Variants in CRIM1 observed in about 807,000 individuals in gnomAD.
CRIM1 encodes the protein cysteine-rich motor neuron 1 protein.
A neutral mutation model predicts 116.4 loss-of-function variants in CRIM1; 32 were observed. The observed-to-expected ratio is 0.27, with a 90% CI of 0.21 to 0.37. The LOEUF is 0.37. CRIM1 is among the 10% of genes least tolerant of loss of function. The pLI, the probability that CRIM1 is intolerant of heterozygous loss-of-function variation, is 1.00. For missense variants in CRIM1, 1,331 were observed against 1,354.8 expected (o/e 0.98, Z 0.28); for synonymous variants, 590 against 509.2 (o/e 1.16, Z -2.13).
chr2:36,541,838 G>A (rs189690345), intron 14 of CRIM1, among the ~76,000 whole-genome samples: 448 of 152,296 alleles, frequency 2.9e-3, no homozygotes, highest in Non-Finnish European at 5.0e-3. Context: ...TACCAGAAGG[G>A]TTATATTTTA....
intron 1 of CRIM1, among the ~76,000 whole-genome samples, chr2:36,361,487 T>C (rs561769404): frequency 9.9e-5 from 15 of 152,160 alleles, no homozygotes; most frequent in African/African-American, 3.6e-4. Context: ...ATGGGCATTA[T>C]GAAGTTGGGG....
intron 11 of CRIM1, among the ~76,000 whole-genome samples, chr2:36,514,664 T>C (rs767961131): frequency 2.0e-5 from 3 of 152,224 alleles, no homozygotes; most frequent in African/African-American, 4.8e-5. Flanking sequence ...TTGTTTTTCC[T>C]CTGGTCAGTC....
rs150035460 is a variant in CRIM1, at chr2:36,489,213, T to C, written c.1372+9519T>C. ...GCCTTGCATGGTGGTTGAACCCCCTTAGTTTGCCTATCAGTAGGAAGACAG... is the reference window on the plus strand; with the variant it reads ...GCCTTGCATGGTGGTTGAACCCCCTCAGTTTGCCTATCAGTAGGAAGACAG... On this transcript the variant is annotated intron_variant, in intron 7 of 16. Transcript: ENST00000280527. 5.0e-3 allele frequency among the ~76,000 whole-genome samples: 763 copies of C among 152,282 alleles called. 3 individuals carry two copies. The highest frequency in any genetic ancestry group is 8.3e-3 in the Non-Finnish European group (563 of 68,008).
At chr2:36,412,328 C>T (rs72865004) in intron 2 of CRIM1, among the ~76,000 whole-genome samples, 2 of 152,028 alleles carry the variant, frequency 1.3e-5, no homozygotes, top group African/African-American at 4.8e-5. Flanking sequence ...AGGTAAAGAT[C>T]GACATAGAAT....
intron 5 of CRIM1, among the ~76,000 whole-genome samples, chr2:36,471,892 A>G (rs1243287633): frequency 6.6e-6 from 1 of 152,220 alleles, no homozygotes; most frequent in Admixed American, 6.5e-5. Flanking sequence ...TGGGAAGCCA[A>G]AAAGTTTGTG....
intron 2 of CRIM1, among the ~76,000 whole-genome samples, chr2:36,407,652 TG>T (rs1473414716): frequency 6.6e-6 from 1 of 150,874 alleles, no homozygotes; most frequent in Non-Finnish European, 1.5e-5. Flanking sequence ...GCATTTTAAC[TG>T]TTGGAAGTCA....
chr2:36,547,439 C>T (rs1667431865), intron 16 of CRIM1, among the ~76,000 whole-genome samples: 1 of 152,110 alleles, frequency 6.6e-6, no homozygotes, highest in Non-Finnish European at 1.5e-5. Flanking sequence ...CTGAAGTTTT[C>T]AAATGAACAA....
At chr2:36,520,886 A>G (rs1665343663) in intron 12 of CRIM1, among the ~76,000 whole-genome samples, 1 of 152,198 alleles carries the variant, frequency 6.6e-6, no homozygotes, top group Admixed American at 6.5e-5. Context: ...ACTAAAAATA[A>G]CAGAGCTCAT....
chr2:36,370,497 C>G (rs1013972213), intron 1 of CRIM1, among the ~76,000 whole-genome samples: 2 of 152,154 alleles, frequency 1.3e-5, no homozygotes, highest in Non-Finnish European at 2.9e-5. Flanking sequence ...AAAAGACTTT[C>G]TGCCAACTGA....
intron 7 of CRIM1, among the ~76,000 whole-genome samples, chr2:36,489,265 G>C (rs1239239897): frequency 6.6e-6 from 1 of 152,102 alleles, no homozygotes; most frequent in Admixed American, 6.6e-5. Flanking sequence ...TCACCTTAAT[G>C]GACAGCTATT....
intron 10 of CRIM1, 61 bp downstream of exon 10, chr2:36,512,455 A>G (rs1401345810): frequency 1.9e-6 from 3 of 1,544,214 alleles, no homozygotes; most frequent in African/African-American, 1.4e-5. Flanking sequence ...AACAAGGAAC[A>G]TAAGGACACC....
At chr2:36,376,331 C>T (rs1670316496) in intron 1 of CRIM1, among the ~76,000 whole-genome samples, 1 of 152,214 alleles carries the variant, frequency 6.6e-6, no homozygotes, top group African/African-American at 2.4e-5. Context: ...CTTCCTTGCT[C>T]TACAGTAGAT....
At chr2:36,497,275 G>T (rs1036613186) in intron 7 of CRIM1, among the ~76,000 whole-genome samples, 1 of 152,168 alleles carries the variant, frequency 6.6e-6, no homozygotes, top group African/African-American at 2.4e-5. Context: ...AATCGCTCTA[G>T]AACATAGAAG....
chr2:36,430,605 G>A (rs1012456163), intron 2 of CRIM1, among the ~76,000 whole-genome samples: 7 of 152,178 alleles, frequency 4.6e-5, no homozygotes, highest in Non-Finnish European at 1.0e-4. Flanking sequence ...GAAACGCGGG[G>A]CTCCATCAGG....
chr2:36,495,160 C>A (rs1407656224), intron 7 of CRIM1, among the ~76,000 whole-genome samples: 6 of 152,114 alleles, frequency 3.9e-5, no homozygotes, highest in African/African-American at 1.4e-4. Flanking sequence ...ACTTTGTTTA[C>A]GAAACACGCC....
rs923934628 is a variant in CRIM1, at chr2:36,410,545, A to T, written c.505+13758A>T. On this transcript the variant is annotated intron_variant, in intron 2 of 16. Coordinates refer to ENST00000280527, the MANE Select transcript of CRIM1 (RefSeq NM_016441.3). ...TCTTTTCACCCAGTTTAGAAAGTGG[A>T]TTTTTTTTTTCTCTTTAAAATGTGT... 2.0e-5 allele frequency among the ~76,000 whole-genome samples: 3 copies of T among 149,734 alleles called. 1 individual carries two copies. Among genetic ancestry groups the T allele is most frequent in the Admixed American group, 2.0e-4 (3 of 14,976 alleles).
chr2:36,449,259 T>C (rs986066534), intron 4 of CRIM1, among the ~76,000 whole-genome samples: 2 of 152,094 alleles, frequency 1.3e-5, no homozygotes, highest in African/African-American at 4.8e-5. Flanking sequence ...AGAGGGAGCA[T>C]TGTGGAGCTG....
intron 11 of CRIM1, among the ~76,000 whole-genome samples, chr2:36,515,290 A>G (rs1372563392): frequency 1.3e-5 from 2 of 152,266 alleles, no homozygotes; most frequent in East Asian, 3.8e-4. Flanking sequence ...CAGTAGAACC[A>G]GAAAGATCTT....
chr2:36,505,261 T>C (rs903436727), intron 8 of CRIM1, among the ~76,000 whole-genome samples: 5 of 152,206 alleles, frequency 3.3e-5, no homozygotes, highest in Non-Finnish European at 7.3e-5. Flanking sequence ...CACTAAGTCC[T>C]CACTTAACAT....
Sources: allele counts gnomAD v4.1 joint callset (sites outside exome capture counted in the v4.1 genomes callset), GRCh38; gene constraint gnomAD v4.1.1; transcripts MANE v1.5; gene names NCBI Gene and HGNC (gene_info 2026-07-23, HGNC 2026-07-21).